The following CLASP1 variants were observed in gnomAD, a reference collection of about 807,000 sequenced individuals.
CLASP1 encodes cytoplasmic linker associated protein 1.
Under a neutral mutation model 192.3 loss-of-function variants are expected in CLASP1, and 38 were observed. The observed-to-expected ratio is 0.20, with a 90% CI of 0.15 to 0.26. The LOEUF (loss-of-function observed/expected upper bound fraction) is 0.26, where lower values mean the gene tolerates loss of function less well. Among genes scored for constraint, CLASP1 ranks in the 10% least tolerant of loss-of-function variants. The pLI is 1.00. For synonymous variants in CLASP1, 691 were observed against 712.8 expected, an observed-to-expected ratio of 0.97 and a Z score of 0.49; for missense variants, 1,433 against 1,932.5, an observed-to-expected ratio of 0.74 and a Z score of 4.85.
In CLASP1 at chr2:121,420,132, GA is replaced by G. The variant is rs397767392; in HGVS notation, c.2213-1404del. On this transcript the variant is annotated intron_variant, in intron 22 of 39. Coordinates refer to ENST00000263710, the Ensembl canonical transcript of CLASP1. ...ATCCAAATGCTTACTACTGCTCAGG[GA>G]AAAAAAAAAAAGTCAAGCACAGGAA... 5.7e-4 allele frequency among the ~76,000 whole-genome samples: 84 copies of G among 146,436 alleles called. 1 individual carries two copies. The highest frequency in any genetic ancestry group is 3.4e-3 in the Middle Eastern group (1 of 290).
chr2:121,628,385 T>C (rs548447100), intron 1 of CLASP1, among the ~76,000 whole-genome samples: 1 of 152,176 alleles, frequency 6.6e-6, no homozygotes, highest in South Asian at 2.1e-4. Context: ...CACTTAAGAA[T>C]GTAATTGAGG....
At chr2:121,586,662 C>G (rs1314412888) in intron 2 of CLASP1, among the ~76,000 whole-genome samples, 1 of 152,022 alleles carries the variant, frequency 6.6e-6, no homozygotes, top group Non-Finnish European at 1.5e-5. Flanking sequence ...AAAAAGACAA[C>G]TGTCCTGAGT....
chr2:121,579,841 GAA>G (rs2060937488), intron 2 of CLASP1, among the ~76,000 whole-genome samples: 1 of 152,038 alleles, frequency 6.6e-6, no homozygotes. Flanking sequence ...AACAAAAAAA[GAA>G]AATCTGCAGC....
At chr2:121,437,199 G>A (rs1207252016) in intron 19 of CLASP1, among the ~76,000 whole-genome samples, 1 of 152,118 alleles carries the variant, frequency 6.6e-6, no homozygotes, top group Non-Finnish European at 1.5e-5. Flanking sequence ...CTGGGCTCAA[G>A]CAATCCTCCT....
chr2:121,472,353 T>C (rs958945832), intron 8 of CLASP1, among the ~76,000 whole-genome samples: 2 of 152,110 alleles, frequency 1.3e-5, no homozygotes, highest in African/African-American at 4.8e-5. Flanking sequence ...TGACAGTATA[T>C]ATAAAAGAAC....
intron 2 of CLASP1, among the ~76,000 whole-genome samples, chr2:121,575,039 C>T (rs989331250): frequency 6.6e-6 from 1 of 152,076 alleles, no homozygotes; most frequent in Non-Finnish European, 1.5e-5. Flanking sequence ...CTCGATTTAG[C>T]CATTCCACAA....
chr2:121,398,237 C>T, intron 29 of CLASP1, 85 bp downstream of exon 30: 1 of 962,532 alleles, frequency 1.0e-6, no homozygotes, highest in Non-Finnish European at 1.6e-6. Flanking sequence ...TTCACAATAG[C>T]TAAACATGGG....
chr2:121,528,823 G>T, intron 3 of CLASP1, 43 bp from the exon 4 acceptor site: 1 of 1,459,056 alleles, frequency 6.9e-7, no homozygotes, highest in Non-Finnish European at 9.6e-7. Flanking sequence ...ACCCTATTTG[G>T]GGGTCTGTGG....
chr2:121,412,730 G>A (rs2077924297), intron 23 of CLASP1, among the ~76,000 whole-genome samples: 1 of 152,146 alleles, frequency 6.6e-6, no homozygotes, highest in Non-Finnish European at 1.5e-5. Context: ...TTGCCATACA[G>A]AGTGACTATA....
intron 19 of CLASP1, among the ~76,000 whole-genome samples, chr2:121,447,048 GGAGGAA>G (rs1287462733): frequency 6.6e-6 from 1 of 152,178 alleles, no homozygotes; most frequent in Non-Finnish European, 1.5e-5. Context: ...GGCTTGCCAT[GGAGGAA>G]GAGGAAGAGT....
intron 37 of CLASP1, among the ~76,000 whole-genome samples, chr2:121,355,231 G>A (rs1205646924): frequency 6.6e-6 from 1 of 152,040 alleles, no homozygotes; most frequent in Non-Finnish European, 1.5e-5. Context: ...GGGTTCAAGC[G>A]ATTCTCCTGC....
At chr2:121,621,089 C>T (rs1410688675) in intron 1 of CLASP1, among the ~76,000 whole-genome samples, 2 of 151,964 alleles carry the variant, frequency 1.3e-5, no homozygotes, top group East Asian at 1.9e-4. Flanking sequence ...TTAATTGGTA[C>T]ATGCTTGTAG....
At chr2:121,388,070 C>T (rs58601183) in intron 30 of CLASP1, 164 bp from the exon 32 acceptor site, 25,779 of 551,578 alleles carry the variant, frequency 0.047, 775 homozygotes, top group East Asian at 0.12. Flanking sequence ...CAATCACAAG[C>T]AGTCTGACTT....
chr2:121,418,589 T>C, intron 23 of CLASP1, 33 bp downstream of exon 23: 2 of 1,482,612 alleles, frequency 1.3e-6, no homozygotes, highest in South Asian at 2.3e-5. Flanking sequence ...AAAGGAACTC[T>C]TTGCTCCTCA....
chr2:121,585,022 C>T (rs1018822423), intron 2 of CLASP1, among the ~76,000 whole-genome samples: 2 of 152,202 alleles, frequency 1.3e-5, no homozygotes, highest in African/African-American at 4.8e-5. Context: ...CCACTTTCTA[C>T]ACATGAACTC....
intron 6 of CLASP1, among the ~76,000 whole-genome samples, chr2:121,525,389 A>T (rs1166311074): frequency 6.6e-6 from 1 of 152,174 alleles, no homozygotes; most frequent in Non-Finnish European, 1.5e-5. Context: ...GATGATATAC[A>T]CAGTGGAGCC....
rs554273992 is a variant in CLASP1, at chr2:121,363,838, G to A, written c.4078-538C>T. Among the ~76,000 whole-genome samples the A allele has an allele frequency of 2.0e-5, 3 of 152,310 alleles. No individual in the cohort carries two copies. The East Asian group carries it at 5.8e-4, about 29-fold the overall frequency. ...AGGCCTCGAGTTGGTTAAGGCCAGA[G>A]TCACGCATCTGGAGGAAAGCCATTC... On this transcript the variant is annotated intron_variant, in intron 36 of 39. Transcript: ENST00000263710.
At chr2:121,478,305 A>G (rs553811188) in intron 8 of CLASP1, among the ~76,000 whole-genome samples, 2 of 152,252 alleles carry the variant, frequency 1.3e-5, no homozygotes, top group South Asian at 4.1e-4. Context: ...GCAACCTGAT[A>G]AAGACCACCT....
chr2:121,377,465 A>C (rs1288165925), intron 34 of CLASP1, 34 bp downstream of exon 35: 25 of 1,539,534 alleles, frequency 1.6e-5, no homozygotes, highest in Non-Finnish European at 2.2e-5. Context: ...CATTTAACTC[A>C]TACAGAGTTC....
Sources: allele counts gnomAD v4.1 joint callset (sites outside exome capture counted in the v4.1 genomes callset), GRCh38; gene constraint gnomAD v4.1.1; transcripts MANE v1.5; gene names NCBI Gene and HGNC (gene_info 2026-07-23, HGNC 2026-07-21).